The following MLLT1 variants were observed in gnomAD, a reference collection of about 807,000 sequenced individuals.
The protein encoded by MLLT1 is protein ENL.
In MLLT1, 11 loss-of-function variants were observed where a neutral mutation model predicts 55.1. That is an observed-to-expected ratio of 0.20 (90% CI 0.13 to 0.33). MLLT1 has a LOEUF of 0.33. Ranked by LOEUF, MLLT1 falls within the 10% of genes least tolerant of loss-of-function variation. The pLI is 1.00. For missense variants in MLLT1, 536 were observed against 760.6 expected, an observed-to-expected ratio of 0.70 and a Z score of 3.47; for synonymous variants, 323 against 320.1, an observed-to-expected ratio of 1.01 and a Z score of -0.10.
intron 3 of MLLT1, among the ~76,000 whole-genome samples, chr19:6,260,561 C>T (rs1291650721): frequency 6.6e-6 from 1 of 152,262 alleles, no homozygotes; most frequent in Non-Finnish European, 1.5e-5. Flanking sequence ...CACGGGCAGC[C>T]CACGGCGGAG....
At chr19:6,263,416 C>T (rs1485290678) in intron 2 of MLLT1, 5 of 152,524 alleles carry the variant, frequency 3.3e-5, no homozygotes, top group Admixed American at 6.5e-5. Context: ...ACAGCAGGGC[C>T]ACCTCCTTCG....
rs2091449089 is a variant in MLLT1, at chr19:6,279,788, T to A, written c.-4A>T. On this transcript the variant is annotated 5_prime_UTR_variant, in exon 1 of 12. Coordinates refer to ENST00000252674, the MANE Select transcript of MLLT1 (RefSeq NM_005934.4). ...CGCTCCTCACCTGATTGTCCATGGC[T>A]GGCGCCCCGCCCCGCCCCCGGGCCC... 6.7e-6 allele frequency: 1 copy of A among 149,240 alleles called. No homozygotes were observed. Among genetic ancestry groups the A allele is most frequent in the Admixed American group, 6.8e-5 (1 of 14,704 alleles). 9.2% of individuals were successfully genotyped at this position (149,240 alleles called of 1,614,324 possible).
Position 6,270,702 on chromosome 19 carries a change from T to TG in MLLT1, c.69dup (p.Thr24HisfsTer20). 1 of 1,614,004 alleles carries TG rather than the reference T, an allele frequency of 6.2e-7. No homozygotes were observed. Among genetic ancestry groups the TG allele is most frequent in the African/African-American group, 1.3e-5 (1 of 75,048 alleles). On this transcript the variant is annotated frameshift_variant, in exon 2 of 12. Coordinates refer to ENST00000252674, the MANE Select transcript of MLLT1 (RefSeq NM_005934.4). LOFTEE classifies it high-confidence loss of function. The surrounding 1 kb of genome is among the most constrained non-coding windows in gnomAD (Gnocchi z 7.1). ...CAGTCGTGAGTGAACCCCTCCGTGG[T>TG]GGGCTTCTTGCGCAGTTGGGCGCGA...
Position 6,210,994 on chromosome 19 carries a change from G to T in MLLT1, c.*2048C>A. The T allele has an allele frequency of 4.3e-6, 1 of 231,796 alleles. No homozygotes were observed. Among genetic ancestry groups the T allele is most frequent in the Non-Finnish European group, 8.5e-6 (1 of 117,124 alleles). The allele number at this position is 231,796 out of a possible 1,614,324, so 14.4% of individuals were successfully genotyped here. A position where few individuals can be genotyped will look rare whatever the true frequency, so the allele number is the denominator to read the frequency against. On this transcript the variant is annotated 3_prime_UTR_variant, in exon 12 of 12. Transcript: ENST00000252674. This position sits in a 1 kb window ranked among gnomAD's most constrained non-coding sequence, Gnocchi z 4.6. The stretch of plus-strand genomic sequence containing the variant: ...GGGCCAGACGCCACCACCGAGAGCA[G>T]GCGGGGGAGCCCGACCCTCCTCTGG...
chr19:6,211,501 G>A lies in MLLT1; in HGVS notation c.*1541C>T. ...GAATCAGAGCAGGGACAAGATGAGG[G>A]ACCTCAGGGAGGGACAGATGGAGCC... On this transcript the variant is annotated 3_prime_UTR_variant, in exon 12 of 12. Transcript: ENST00000252674. This position sits in a 1 kb window ranked among gnomAD's most constrained non-coding sequence, Gnocchi z 4.6. 1 of 598,672 alleles carries A rather than the reference G, an allele frequency of 1.7e-6. No homozygotes were observed. Among genetic ancestry groups the A allele is most frequent in the Non-Finnish European group, 2.2e-6 (1 of 452,776 alleles). The allele number at this position is 598,672 out of a possible 1,614,324, so 37.1% of individuals were successfully genotyped here. A position where few individuals can be genotyped will look rare whatever the true frequency, so the allele number is the denominator to read the frequency against.
rs114736623 is a variant in MLLT1 at position 6,227,301 on chromosome 19, G to A, written c.421-199C>T. ...GAAGAAGCAGGCATGGGTGGGGAGC[G>A]AAGAAAAGCCCAGGGTCCCAGGATG... is the stretch of plus-strand genomic sequence containing the variant. On this transcript the variant is annotated intron_variant, in intron 4 of 11. Transcript: ENST00000252674. This position sits in a 1 kb window ranked among gnomAD's most constrained non-coding sequence, Gnocchi z 5.1. 1.4e-3 allele frequency among the ~76,000 whole-genome samples: 210 copies of A among 152,270 alleles called. 1 individual carries two copies. Among genetic ancestry groups the A allele is most frequent in the African/African-American group, 4.9e-3 (205 of 41,574 alleles).
rs1224015993 is a variant in MLLT1 at position 6,230,690 on chromosome 19, G to A, written c.300C>T (p.Phe100=). 1.9e-6 allele frequency: 3 copies of A among 1,613,940 alleles called. No individual in the cohort carries two copies. The highest frequency in any genetic ancestry group is 2.7e-5 in the African/African-American group (2 of 74,916). The change falls in exon 4 of 12, where the codon TTC becomes TTT. Residue 100 remains phenylalanine (F), a synonymous_variant. Coordinates refer to ENST00000252674, the MANE Select transcript of MLLT1 (RefSeq NM_005934.4). This position sits in a 1 kb window ranked among gnomAD's most constrained non-coding sequence, Gnocchi z 9.0. ...CCAGGTTCAGGAACAGGTCGTAGGTGAAGCAGACCTTCCTCGGCTCCTCCT... is the reference window on the plus strand; with the variant it reads ...CCAGGTTCAGGAACAGGTCGTAGGTAAAGCAGACCTTCCTCGGCTCCTCCT... ...KNKEEPRKVC[F]TYDLFLNLEG...
At chr19:6,237,450 A>G (rs2091072937) in intron 3 of MLLT1, among the ~76,000 whole-genome samples, 1 of 152,092 alleles carries the variant, frequency 6.6e-6, no homozygotes, top group South Asian at 2.1e-4. Flanking sequence ...GTTCACAGAC[A>G]CATGCTGGGC....
intron 3 of MLLT1, among the ~76,000 whole-genome samples, chr19:6,247,662 G>A (rs909245864): frequency 1.3e-5 from 2 of 152,188 alleles, no homozygotes; most frequent in African/African-American, 4.8e-5. Flanking sequence ...AAAATTAGTG[G>A]GTGGTACTAT....
rs1053297852 is a variant in MLLT1 at position 6,227,426 on chromosome 19, C to G, written c.421-324G>C. 2.6e-5 allele frequency among the ~76,000 whole-genome samples: 4 copies of G among 152,240 alleles called. No individual in the cohort carries two copies. Among genetic ancestry groups the G allele is most frequent in the African/African-American group, 9.6e-5 (4 of 41,472 alleles). On this transcript the variant is annotated intron_variant, in intron 4 of 11. Coordinates refer to ENST00000252674, the MANE Select transcript of MLLT1 (RefSeq NM_005934.4). The surrounding 1 kb of genome is among the most constrained non-coding windows in gnomAD (Gnocchi z 5.1). ...CACACTGAGAATCATGAGAAGGCAG[C>G]TGCGGCCGAAGCCTGACCTACGCGC...
rs1269673250 is a variant in MLLT1, at chr19:6,210,460, A to C, written c.*2582T>G. 5.0e-6 allele frequency: 1 copy of C among 200,022 alleles called. No homozygotes were observed. The highest frequency in any genetic ancestry group is 2.3e-5 in the African/African-American group (1 of 43,372). 12.4% of individuals were successfully genotyped at this position (200,022 alleles called of 1,614,324 possible). On this transcript the variant is annotated 3_prime_UTR_variant, in exon 12 of 12. Transcript: ENST00000252674. The surrounding 1 kb of genome is among the most constrained non-coding windows in gnomAD (Gnocchi z 4.6). ...TTTCACAATTTAACAAAAGTTTAAA[A>C]TCCAGGAAAGAAACAATCCTGTAAC...
At position 6,229,111 on chromosome 19, in the gene MLLT1, C is replaced by A. The variant is rs555725973; in HGVS notation, c.420+1459G>T. Among the ~76,000 whole-genome samples the A allele has an allele frequency of 6.6e-6, 1 of 152,320 alleles. No homozygotes were observed. Among genetic ancestry groups the A allele is most frequent in the East Asian group, 1.9e-4 (1 of 5,174 alleles). ...CAGGGAACGCCACTTCCCACAGCCA[C>A]GCCACCACGGAACCTCCGGGGACGC... On this transcript the variant is annotated intron_variant, in intron 4 of 11. Transcript: ENST00000252674. The surrounding 1 kb of genome is among the most constrained non-coding windows in gnomAD (Gnocchi z 5.2).
intron 2 of MLLT1, among the ~76,000 whole-genome samples, chr19:6,269,036 G>A (rs1264231309): frequency 6.6e-6 from 1 of 152,152 alleles, no homozygotes; most frequent in Admixed American, 6.5e-5. Flanking sequence ...GGGGTGAGGG[G>A]GTTGGTGAAG....
intron 3 of MLLT1, chr19:6,259,806 A>AAAAAAAAC (rs2091287650): frequency 6.6e-6 from 1 of 151,190 alleles, no homozygotes; most frequent in Non-Finnish European, 1.5e-5. Context: ...ACTTAAAAAA[A>AAAAAAAAC]AAAAAAAAAA....
intron 3 of MLLT1, among the ~76,000 whole-genome samples, chr19:6,233,507 G>A (rs914199860): frequency 2.0e-5 from 3 of 152,236 alleles, no homozygotes; most frequent in Non-Finnish European, 4.4e-5. Context: ...CCCCTTGTCC[G>A]AGGGGACATG....
intron 3 of MLLT1, among the ~76,000 whole-genome samples, chr19:6,238,914 G>A (rs1479962635): frequency 6.6e-6 from 1 of 152,278 alleles, no homozygotes; most frequent in Admixed American, 6.5e-5. Context: ...TAGGCAGCGA[G>A]CCCTGTGGGG....
Position 6,257,407 on chromosome 19 carries a change from A to C in MLLT1, c.276+4821T>G, listed in dbSNP as rs1276132077. Among the ~76,000 whole-genome samples, 6 of 151,932 alleles carry C rather than the reference A, an allele frequency of 3.9e-5. No homozygotes were observed. In the South Asian group the frequency reaches 1.0e-3, roughly 26 times the overall value. On this transcript the variant is annotated intron_variant, in intron 3 of 11. Transcript: ENST00000252674. ...CATTATGAAGAATGTAAAAAAAAAAAAAAACACCTAAAAAAGGGGAAAAGA... is the reference window on the plus strand; with the variant it reads ...CATTATGAAGAATGTAAAAAAAAAACAAAACACCTAAAAAAGGGGAAAAGA...
chr19:6,259,746 T>A (rs2091286859), intron 3 of MLLT1: 1 of 141,918 alleles, frequency 7.0e-6, no homozygotes, highest in South Asian at 2.2e-4. Flanking sequence ...CGGGCCCAGC[T>A]ACGCGGCTTC....
chr19:6,211,627 C>G lies in MLLT1; in HGVS notation c.*1415G>C, dbSNP rs1473735425. ...GCCCTCAGCCCTCTTTTCCTCATAA[C>G]TTGGTCAGGGCACAAGGACTTGAAA... On this transcript the variant is annotated 3_prime_UTR_variant, in exon 12 of 12. Coordinates refer to ENST00000252674, the MANE Select transcript of MLLT1 (RefSeq NM_005934.4). The surrounding 1 kb of genome is among the most constrained non-coding windows in gnomAD (Gnocchi z 4.6). 2 of 1,065,032 alleles carry G rather than the reference C, an allele frequency of 1.9e-6. No homozygotes were observed. The highest frequency in any genetic ancestry group is 2.3e-6 in the Non-Finnish European group (2 of 879,032). The allele number at this position is 1,065,032 out of a possible 1,614,324, so 66.0% of individuals were successfully genotyped here.
Sources: allele counts gnomAD v4.1 joint callset (sites outside exome capture counted in the v4.1 genomes callset), GRCh38; gene constraint gnomAD v4.1.1; non-coding constraint Gnocchi (gnomAD v3.1); transcripts MANE v1.5; gene names NCBI Gene and HGNC (gene_info 2026-07-23, HGNC 2026-07-21).